Variants in CSMD1 observed in about 807,000 individuals in gnomAD.
CSMD1 encodes the protein CUB and sushi domain-containing protein 1.
CSMD1 carries 213 observed loss-of-function variants against 417.5 expected under a neutral mutation model. The observed-to-expected ratio is 0.51, with a 90% confidence interval of 0.46 to 0.57. The LOEUF is 0.57. Among genes scored for constraint, CSMD1 ranks in the 20% least tolerant of loss-of-function variants. The pLI is 0.00. For synonymous variants in CSMD1, 2,862 were observed against 1,736.8 expected (o/e 1.65, Z -16.11); for missense variants, 6,923 against 4,529.7 (o/e 1.53, Z -15.17).
chr8:3,915,712 T>C lies in CSMD1; in HGVS notation c.818+82191A>G, dbSNP rs74439901. Among the ~76,000 whole-genome samples the C allele has an allele frequency of 1.9e-3, 288 of 151,174 alleles. 2 individuals carry two copies. Among genetic ancestry groups the C allele is most frequent in the African/African-American group, 6.5e-3 (267 of 41,074 alleles). ...CTCTATCTCTGTTATAATTTATTGG[T>C]TGAATGTTAATTTAGCTAGCAGCTC... On this transcript the variant is annotated intron_variant, in intron 5 of 69. Coordinates refer to ENST00000635120, the MANE Select transcript of CSMD1 (RefSeq NM_033225.6).
At chr8:4,057,889 C>CAAA (rs1798778874) in intron 3 of CSMD1, among the ~76,000 whole-genome samples, 2 of 152,066 alleles carry the variant, frequency 1.3e-5, no homozygotes, top group Non-Finnish European at 2.9e-5. Flanking sequence ...TTCCATTGAT[C>CAAA]TATATCTCTG....
chr8:4,785,359 G>C (rs1191961851), intron 1 of CSMD1, among the ~76,000 whole-genome samples: 1 of 152,092 alleles, frequency 6.6e-6, no homozygotes, highest in Non-Finnish European at 1.5e-5. Flanking sequence ...GTGTGGAGGT[G>C]GTCTCAGAGC....
At chr8:4,366,969 C>G (rs1165756862) in intron 3 of CSMD1, among the ~76,000 whole-genome samples, 1 of 152,096 alleles carries the variant, frequency 6.6e-6, no homozygotes, top group Non-Finnish European at 1.5e-5. Context: ...GTGTACTCTG[C>G]AAATATTTTC....
intron 1 of CSMD1, among the ~76,000 whole-genome samples, chr8:4,792,633 T>C (rs533025447): frequency 2.0e-5 from 3 of 152,248 alleles, no homozygotes; most frequent in Admixed American, 1.3e-4. Flanking sequence ...TAGACTACTG[T>C]TTTCTAATCT....
At chr8:4,315,373 C>T (rs1798861813) in intron 3 of CSMD1, among the ~76,000 whole-genome samples, 3 of 152,240 alleles carry the variant, frequency 2.0e-5, no homozygotes, top group East Asian at 1.9e-4. Flanking sequence ...TACCAGCCTG[C>T]CTCATTCACT....
At chr8:3,260,045 C>T (rs1050066946) in intron 26 of CSMD1, among the ~76,000 whole-genome samples, 2 of 152,116 alleles carry the variant, frequency 1.3e-5, no homozygotes, top group Non-Finnish European at 2.9e-5. Context: ...TTTGCTCCTC[C>T]CCGGTACAGA....
chr8:4,449,086 T>C (rs1798981484), intron 2 of CSMD1, among the ~76,000 whole-genome samples: 1 of 152,184 alleles, frequency 6.6e-6, no homozygotes, highest in South Asian at 2.1e-4. Flanking sequence ...TCTAAGGAGA[T>C]TGAATAGCTT....
At chr8:4,102,484 T>A (rs764769614) in intron 3 of CSMD1, among the ~76,000 whole-genome samples, 1 of 152,142 alleles carries the variant, frequency 6.6e-6, no homozygotes, top group Non-Finnish European at 1.5e-5. Context: ...AATCTGTCAC[T>A]TGAGGGGCAG....
chr8:4,194,143 C>G (rs1309338131), intron 3 of CSMD1, among the ~76,000 whole-genome samples: 2 of 152,064 alleles, frequency 1.3e-5, no homozygotes, highest in African/African-American at 4.8e-5. Flanking sequence ...ATAAAAATGA[C>G]CAAGAAAACA....
At chr8:4,448,949 A>T (rs1396941104) in intron 2 of CSMD1, among the ~76,000 whole-genome samples, 1 of 152,188 alleles carries the variant, frequency 6.6e-6, no homozygotes, top group Admixed American at 6.5e-5. Flanking sequence ...TTACCAGTGT[A>T]CCTGTTTCTC....
At chr8:3,795,808 G>A (rs1585011596) in intron 5 of CSMD1, among the ~76,000 whole-genome samples, 1 of 64,148 alleles carries the variant, frequency 1.6e-5, no homozygotes, top group Non-Finnish European at 3.0e-5. Flanking sequence ...TACCTATCAT[G>A]TACAGATATA....
intron 1 of CSMD1, among the ~76,000 whole-genome samples, chr8:4,964,158 A>T (rs1050849335): frequency 6.6e-6 from 1 of 152,162 alleles, no homozygotes; most frequent in Middle Eastern, 3.4e-3. Flanking sequence ...AGACTTCAGG[A>T]CCAAGGAGGA....
chr8:3,296,472 C>CCGATGCGGGATTTTAAGGATGATAT, intron 25 of CSMD1, among the ~76,000 whole-genome samples: 1 of 152,214 alleles, frequency 6.6e-6, no homozygotes, highest in South Asian at 2.1e-4. Context: ...AAGGATGATA[C>CCGATGCGGGATTTTAAGGATGATAT]ACCGATGCGG....
rs71988727 is a variant in CSMD1, at chr8:4,698,903, A to AACACACACACACAC, written c.86-61359_86-61346dup. 7.1e-5 allele frequency among the ~76,000 whole-genome samples: 10 copies of AACACACACACACAC among 140,118 alleles called. No homozygotes were observed. The Admixed American group carries it at 7.2e-4, about 10-fold the overall frequency. The allele number at this position is 140,118 out of a possible 152,430, so 91.9% of individuals were successfully genotyped here. ...CTCTTAAACATGTGCATACCCTCCC[A>AACACACACACACAC]ACACACACACACACACACACACACA... is the stretch of plus-strand genomic sequence containing the variant. On this transcript the variant is annotated intron_variant, in intron 1 of 69. Coordinates refer to ENST00000635120, the MANE Select transcript of CSMD1 (RefSeq NM_033225.6).
At chr8:3,337,005 C>T (rs1189612968) in intron 23 of CSMD1, among the ~76,000 whole-genome samples, 1 of 152,138 alleles carries the variant, frequency 6.6e-6, no homozygotes, top group African/African-American at 2.4e-5. Flanking sequence ...GGAGCTGTGC[C>T]TGAGGGTGTG....
intron 2 of CSMD1, among the ~76,000 whole-genome samples, chr8:4,562,836 G>T (rs1168944159): frequency 6.6e-6 from 1 of 152,022 alleles, no homozygotes; most frequent in Non-Finnish European, 1.5e-5. Flanking sequence ...TAGAATATCA[G>T]GAAGAATTCA....
chr8:4,667,889 T>C (rs1238545902), intron 1 of CSMD1, among the ~76,000 whole-genome samples: 1 of 152,212 alleles, frequency 6.6e-6, no homozygotes, highest in East Asian at 1.9e-4. Flanking sequence ...GCTAATGGAA[T>C]TGAATAGCAG....
intron 23 of CSMD1, among the ~76,000 whole-genome samples, chr8:3,315,347 G>A (rs115173247): frequency 6.6e-6 from 1 of 151,424 alleles, no homozygotes; most frequent in African/African-American, 2.4e-5. Context: ...TGAATTTCCT[G>A]AAATGTGTGA....
intron 30 of CSMD1, among the ~76,000 whole-genome samples, chr8:3,214,081 C>T (rs373332401): frequency 6.6e-6 from 1 of 151,818 alleles, no homozygotes; most frequent in Non-Finnish European, 1.5e-5. Flanking sequence ...CCTAACCTCG[C>T]GATCCACTCG....
Sources: allele counts gnomAD v4.1 joint callset (sites outside exome capture counted in the v4.1 genomes callset), GRCh38; gene constraint gnomAD v4.1.1; transcripts MANE v1.5; gene names NCBI Gene and HGNC (gene_info 2026-07-23, HGNC 2026-07-21).